Variants in TPST1 observed in about 807,000 individuals in gnomAD.
TPST1 encodes tyrosylprotein sulfotransferase 1, also known as protein-tyrosine sulfotransferase 1.
In TPST1, 20 loss-of-function variants were observed where a neutral mutation model predicts 34.8. The observed-to-expected ratio is 0.57, with a 90% CI of 0.40 to 0.84. The LOEUF (loss-of-function observed/expected upper bound fraction) is 0.84, where lower values mean the gene tolerates loss of function less well. TPST1 is among the 40% of genes least tolerant of loss of function. The pLI, the probability that TPST1 is intolerant of heterozygous loss-of-function variation, is 0.00. For missense variants in TPST1, 353 were observed against 455.5 expected, an observed-to-expected ratio of 0.78 and a Z score of 2.05; for synonymous variants, 152 against 159.4, an observed-to-expected ratio of 0.95 and a Z score of 0.35.
At chr7:66,309,118 G>A (rs986784284) in intron 3 of TPST1, among the ~76,000 whole-genome samples, 1 of 152,052 alleles carries the variant, frequency 6.6e-6, no homozygotes, top group African/African-American at 2.4e-5. Flanking sequence ...GGCTGGTCTT[G>A]GAACTCCTGA....
chr7:66,295,342 A>G (rs552848756), intron 3 of TPST1, among the ~76,000 whole-genome samples: 1 of 152,212 alleles, frequency 6.6e-6, no homozygotes, highest in East Asian at 1.9e-4. Context: ...AAAAAATACA[A>G]AAGTTAGCCA....
At chr7:66,294,228 T>G (rs1295714342) in intron 3 of TPST1, among the ~76,000 whole-genome samples, 1 of 152,224 alleles carries the variant, frequency 6.6e-6, no homozygotes, top group Non-Finnish European at 1.5e-5. Flanking sequence ...GTATATATTC[T>G]TTTTTGAAAC....
chr7:66,201,381 CAAAAAAAA>C (rs138553925), upstream of TPST1, among the ~76,000 whole-genome samples: 131 of 73,520 alleles, frequency 1.8e-3, 1 homozygote, highest in South Asian at 0.025. Context: ...CCATCTCTAC[CAAAAAAAA>C]AAAAAAAAAA....
intron 2 of TPST1, among the ~76,000 whole-genome samples, chr7:66,260,890 G>A (rs537431769): frequency 1.6e-4 from 25 of 152,296 alleles, no homozygotes; most frequent in African/African-American, 6.0e-4. Flanking sequence ...TGGGTGGTAA[G>A]AGCAAGCACT....
At chr7:66,228,805 G>C (rs1789717641) in intron 1 of TPST1, among the ~76,000 whole-genome samples, 1 of 151,952 alleles carries the variant, frequency 6.6e-6, no homozygotes. Context: ...ACATTAATTG[G>C]AAAATTGAGG....
intron 4 of TPST1, among the ~76,000 whole-genome samples, chr7:66,354,803 T>TG (rs1157949134): frequency 6.6e-6 from 1 of 151,712 alleles, no homozygotes; most frequent in Non-Finnish European, 1.5e-5. Flanking sequence ...AAAACCAGCC[T>TG]GGGAAACATA....
Position 66,356,811 on chromosome 7 carries a change from C to A in TPST1, c.1096-14C>A, listed in dbSNP as rs752588856. Reference sequence around the variant, plus strand: ...CTTCAAGGACATTAAAACATCTTTTCTTTCCTTCAACAGACTGAGCAAGTG... The same window carrying A: ...CTTCAAGGACATTAAAACATCTTTTATTTCCTTCAACAGACTGAGCAAGTG... On this transcript the variant is annotated splice_polypyrimidine_tract_variant and intron_variant, in intron 4 of 5. Transcript: ENST00000304842. 6.2e-7 allele frequency: 1 copy of A among 1,614,170 alleles called. No homozygotes were observed.
At chr7:66,233,215 C>A (rs1465700622) in intron 1 of TPST1, among the ~76,000 whole-genome samples, 1 of 151,716 alleles carries the variant, frequency 6.6e-6, no homozygotes, top group Admixed American at 6.6e-5. Flanking sequence ...TGATGGAGTC[C>A]AGTTTATCCA....
At chr7:66,297,007 A>G (rs1791215300) in intron 3 of TPST1, among the ~76,000 whole-genome samples, 1 of 152,206 alleles carries the variant, frequency 6.6e-6, no homozygotes, top group African/African-American at 2.4e-5. Flanking sequence ...AAATACAGAC[A>G]CATGAATACA....
intron 2 of TPST1, among the ~76,000 whole-genome samples, chr7:66,246,825 A>G (rs1790159969): frequency 6.6e-6 from 1 of 152,206 alleles, no homozygotes; most frequent in South Asian, 2.1e-4. Context: ...GATGTGTGTA[A>G]AACAAATGGC....
chr7:66,275,427 C>T (rs978802141), intron 2 of TPST1, among the ~76,000 whole-genome samples: 5 of 152,190 alleles, frequency 3.3e-5, no homozygotes, highest in Non-Finnish European at 4.4e-5. Context: ...CCTGCACTCA[C>T]ATGTTCATTA....
chr7:66,267,097 ATAT>A (rs1213231707), intron 2 of TPST1, among the ~76,000 whole-genome samples: 3 of 152,206 alleles, frequency 2.0e-5, no homozygotes, highest in Non-Finnish European at 4.4e-5. Context: ...AGGATGTATA[ATAT>A]TATCAAGTTC....
At chr7:66,281,450 T>C (rs941667905) in intron 2 of TPST1, among the ~76,000 whole-genome samples, 2 of 152,308 alleles carry the variant, frequency 1.3e-5, no homozygotes, top group African/African-American at 4.8e-5. Flanking sequence ...TATGAATCCC[T>C]CCTGTCTAGG....
At chr7:66,204,480 T>A (rs536217536), upstream of TPST1, among the ~76,000 whole-genome samples, 1 of 152,320 alleles carries the variant, frequency 6.6e-6, no homozygotes, top group African/African-American at 2.4e-5. Context: ...CTTCCCAAAG[T>A]GCTGTGATTA....
chr7:66,243,941 A>ATTTTTTTTTTTTTTTTT (rs55829208), intron 2 of TPST1, among the ~76,000 whole-genome samples: 4 of 116,232 alleles, frequency 3.4e-5, no homozygotes, highest in Non-Finnish European at 5.2e-5. Context: ...ATTCTGGGAA[A>ATTTTTTTTTTTTTTTTT]TTTTTTTTTT....
chr7:66,235,184 A>ATTTTTT (rs767189278), intron 1 of TPST1, among the ~76,000 whole-genome samples: 1 of 129,826 alleles, frequency 7.7e-6, no homozygotes, highest in Non-Finnish European at 1.6e-5. Context: ...TTCTGCATAG[A>ATTTTTT]TTTTTTTTTT....
intron 3 of TPST1, among the ~76,000 whole-genome samples, chr7:66,347,067 T>C (rs1210797394): frequency 1.2e-4 from 13 of 112,416 alleles, no homozygotes; most frequent in African/African-American, 2.4e-4. Context: ...TTCTTTTTTT[T>C]TTTTTTTTTT....
intron 1 of TPST1, among the ~76,000 whole-genome samples, chr7:66,227,227 T>C (rs1489342592): frequency 6.6e-6 from 1 of 151,666 alleles, no homozygotes; most frequent in Non-Finnish European, 1.5e-5. Context: ...GAGACGGGGT[T>C]TCACCATCTT....
At chr7:66,294,232 T>C (rs1791145857) in intron 3 of TPST1, among the ~76,000 whole-genome samples, 1 of 152,240 alleles carries the variant, frequency 6.6e-6, no homozygotes, top group South Asian at 2.1e-4. Context: ...ATATTCTTTT[T>C]TGAAACTACA....
Sources: gnomAD v4.1 joint callset for allele counts (sites outside exome capture counted in the v4.1 genomes callset) on GRCh38, gnomAD v4.1.1 for gene constraint, MANE v1.5 for transcripts, NCBI Gene and HGNC (gene_info 2026-07-23, HGNC 2026-07-21) for gene names.